The following NFAT5 variants were observed in gnomAD, a reference collection of about 807,000 sequenced individuals.
NFAT5 encodes nuclear factor of activated T cells 5.
Under a neutral mutation model 166.5 loss-of-function variants are expected in NFAT5, and 31 were observed. That is an observed-to-expected ratio of 0.19 (90% CI 0.14 to 0.25). NFAT5 has a LOEUF of 0.25. Among genes scored for constraint, NFAT5 ranks in the 10% least tolerant of loss-of-function variants. The pLI is 1.00. For synonymous variants in NFAT5, 612 were observed against 639.7 expected, an observed-to-expected ratio of 0.96 and a Z score of 0.65; for missense variants, 1,449 against 1,821.8, an observed-to-expected ratio of 0.80 and a Z score of 3.72.
At chr16:69,667,742 TTAATG>T (rs61096203) in intron 7 of NFAT5, among the ~76,000 whole-genome samples, 5,655 of 152,240 alleles carry the variant, frequency 0.037, 348 homozygotes, top group African/African-American at 0.13. Flanking sequence ...ATACAATATA[TTAATG>T]TAATTTTAAC....
chr16:69,576,273 CAG>C (rs1398983791), intron 2 of NFAT5, among the ~76,000 whole-genome samples: 6 of 128,550 alleles, frequency 4.7e-5, no homozygotes. Flanking sequence ...GCCTGGGCGA[CAG>C]AGTGAGACTC....
At chr16:69,603,505 C>A (rs2033246910) in intron 2 of NFAT5, among the ~76,000 whole-genome samples, 1 of 152,066 alleles carries the variant, frequency 6.6e-6, no homozygotes, top group African/African-American at 2.4e-5. Flanking sequence ...TGCCTGTAAT[C>A]CCAGCACTTT....
At chr16:69,603,630 T>C (rs2033255593) in intron 2 of NFAT5, among the ~76,000 whole-genome samples, 1 of 152,150 alleles carries the variant, frequency 6.6e-6, no homozygotes. Flanking sequence ...TGTGTACCTA[T>C]GATCCCAGCT....
chr16:69,650,101 G>A (rs2035604036), intron 4 of NFAT5, among the ~76,000 whole-genome samples: 2 of 152,028 alleles, frequency 1.3e-5, no homozygotes, highest in South Asian at 2.1e-4. Context: ...TCATCTGGAT[G>A]TGAAACCTAC....
intron 7 of NFAT5, 97 bp downstream of exon 7, chr16:69,659,996 C>A: frequency 9.2e-7 from 1 of 1,091,506 alleles, no homozygotes; most frequent in Non-Finnish European, 1.3e-6. Context: ...TTCATATGCT[C>A]CGGCTTGTGA....
At position 69,702,403 on chromosome 16, in the gene NFAT5, A is replaced by G. The variant is rs1206630520; in HGVS notation, c.*6052A>G. ...CATTTTAGAAACGTCACATTTTAGA[A>G]ACATTCAGCTTGCTAACCTACATGT... On this transcript the variant is annotated 3_prime_UTR_variant, in exon 15 of 15. Transcript: ENST00000349945. 2 of 152,340 alleles carry G rather than the reference A, an allele frequency of 1.3e-5. No homozygotes were observed. Among genetic ancestry groups the G allele is most frequent in the Non-Finnish European group, 2.9e-5 (2 of 68,042 alleles). 9.4% of individuals were successfully genotyped at this position (152,340 alleles called of 1,614,324 possible). A position where few individuals can be genotyped will look rare whatever the true frequency, so the allele number is the denominator to read the frequency against.
rs997315489 is a variant in NFAT5, at chr16:69,622,719, T to C, written c.128-3684T>C. On this transcript the variant is annotated intron_variant, in intron 2 of 14. Transcript: ENST00000349945. The stretch of plus-strand genomic sequence containing the variant: ...CTGATTAGTAACATGCTATTAGTGA[T>C]TGGGCTATTACTAGGATAAATTTTT... Among the ~76,000 whole-genome samples the C allele has an allele frequency of 3.9e-5, 6 of 152,172 alleles. No individual in the cohort carries two copies. In the South Asian group the frequency reaches 6.2e-4, roughly 16 times the overall value.
In NFAT5 at chr16:69,692,040, A is replaced by C; in HGVS notation, c.2215A>C (p.Ile739Leu). 3 of 1,614,184 alleles carry C rather than the reference A, an allele frequency of 1.9e-6. No homozygotes were observed. Among genetic ancestry groups the C allele is most frequent in the South Asian group, 2.2e-5 (2 of 91,084 alleles). The change falls in exon 13 of 15, where the codon ATA becomes CTA. Residue 739 changes from isoleucine (I) to leucine (L), a missense_variant. Around this residue, in one of 7 missense-constraint regions of NFAT5, gnomAD observed 891 missense variants for 993.0 expected, o/e 0.90. Coordinates refer to ENST00000349945, the MANE Select transcript of NFAT5 (RefSeq NM_138713.4). The stretch of plus-strand genomic sequence containing the variant: ...GACAAGAGAAACTCAGTCTAGAGAG[A>C]TATTACAGTCAGATGGTACAGTGGT... ...FQTRETQSRE[I>L]LQSDGTVVNL... is the part of the protein sequence containing the mutation.
At position 69,692,155 on chromosome 16, in the gene NFAT5, C is replaced by A. The variant is rs1256857158; in HGVS notation, c.2330C>A (p.Ser777Ter). 1 of 1,614,036 alleles carries A rather than the reference C, an allele frequency of 6.2e-7. No homozygotes were observed. Among genetic ancestry groups the A allele is most frequent in the African/African-American group, 1.3e-5 (1 of 74,920 alleles). The change falls in exon 13 of 15, where the codon TCA becomes TAA. Residue 777 changes from serine to a stop codon, truncating the protein, a stop_gained. Coordinates refer to ENST00000349945, the MANE Select transcript of NFAT5 (RefSeq NM_138713.4). LOFTEE classifies it high-confidence loss of function. ...QAQTLQQQIS[S>*]NIFPSPNSVS... The stretch of plus-strand genomic sequence containing the variant: ...CAGACTTTACAGCAGCAGATTTCAT[C>A]AAATATTTTTCCATCACCAAATAGT...
Position 69,630,212 on chromosome 16 carries a change from A to G in NFAT5, c.253+3684A>G, listed in dbSNP as rs1363814620. Among the ~76,000 whole-genome samples, 11 of 152,064 alleles carry G rather than the reference A, an allele frequency of 7.2e-5. No homozygotes were observed. The South Asian group carries it at 2.3e-3, about 32-fold the overall frequency. On this transcript the variant is annotated intron_variant, in intron 3 of 14. Transcript: ENST00000349945. ...TGATTTTTGTGTTTTTTGTAGAGAC[A>G]GGGTCTTACTATGCTGCTTCTCCAG...
intron 2 of NFAT5, among the ~76,000 whole-genome samples, chr16:69,573,903 C>T (rs1306027443): frequency 3.1e-5 from 4 of 127,032 alleles, no homozygotes; most frequent in South Asian, 2.4e-4. Context: ...GATAGAGTTT[C>T]GCTCTTGTTG....
chr16:69,614,178 C>T (rs2033831251), intron 2 of NFAT5, among the ~76,000 whole-genome samples: 2 of 149,630 alleles, frequency 1.3e-5, no homozygotes, highest in Admixed American at 1.3e-4. Context: ...TCTTTTGAGA[C>T]AAGGTCTTGC....
chr16:69,590,708 A>G (rs1480975410), intron 2 of NFAT5, among the ~76,000 whole-genome samples: 1 of 152,154 alleles, frequency 6.6e-6, no homozygotes, highest in Non-Finnish European at 1.5e-5. Context: ...GATTTGTCCC[A>G]TGTAATTATT....
chr16:69,588,551 C>T (rs1233127748), intron 2 of NFAT5, among the ~76,000 whole-genome samples: 1 of 152,146 alleles, frequency 6.6e-6, no homozygotes, highest in East Asian at 1.9e-4. Flanking sequence ...CATTTCCTCT[C>T]AAATTTAGAT....
At chr16:69,599,445 C>T (rs1176888364) in intron 2 of NFAT5, among the ~76,000 whole-genome samples, 2 of 151,948 alleles carry the variant, frequency 1.3e-5, no homozygotes, top group Admixed American at 6.6e-5. Context: ...GGCATGGTGG[C>T]GCGTGCCTGT....
chr16:69,596,388 A>G (rs569903286), intron 2 of NFAT5, among the ~76,000 whole-genome samples: 3 of 152,318 alleles, frequency 2.0e-5, no homozygotes, highest in African/African-American at 7.2e-5. Context: ...GACTTGCTCA[A>G]TTTGACACTG....
rs767095726 is a variant in NFAT5, at chr16:69,659,933, G to A, written c.1369+34G>A. ...GAAGATACGGAGATACTAAACATAT[G>A]GAGTTTCTTTCATTTTCTGTTAATC... On this transcript the variant is annotated intron_variant, in intron 7 of 14. Coordinates refer to ENST00000349945, the MANE Select transcript of NFAT5 (RefSeq NM_138713.4). 39 of 1,485,930 alleles carry A rather than the reference G, an allele frequency of 2.6e-5. No individual in the cohort carries two copies. The South Asian group carries it at 4.4e-4, about 17-fold the overall frequency. 92.0% of individuals were successfully genotyped at this position (1,485,930 alleles called of 1,614,324 possible). A position where few individuals can be genotyped will look rare whatever the true frequency, so the allele number is the denominator to read the frequency against.
chr16:69,692,937 C>T lies in NFAT5; in HGVS notation c.3112C>T (p.Gln1038Ter). The T allele has an allele frequency of 6.2e-7, 1 of 1,614,188 alleles. No homozygotes were observed. The highest frequency in any genetic ancestry group is 8.5e-7 in the Non-Finnish European group (1 of 1,180,032). The change falls in exon 13 of 15, where the codon CAA becomes TAA. Residue 1038 changes from glutamine to a stop codon, truncating the protein, a stop_gained. Coordinates refer to ENST00000349945, the MANE Select transcript of NFAT5 (RefSeq NM_138713.4). LOFTEE classifies it high-confidence loss of function. ...GCAACATAGTGGGGACAATCAACCT[C>T]AAGTTAACCTTTTTTCATCCACAAA... is the stretch of plus-strand genomic sequence containing the variant. ...QMQHSGDNQP[Q>*]VNLFSSTKSM... is the part of the protein sequence containing the mutation.
intron 5 of NFAT5, among the ~76,000 whole-genome samples, chr16:69,654,756 T>C (rs1445343127): frequency 5.9e-5 from 9 of 152,216 alleles, no homozygotes; most frequent in Non-Finnish European, 2.9e-5. Context: ...TTTGACTAGT[T>C]TGCTTATTTT....
Sources: allele counts gnomAD v4.1 joint callset (sites outside exome capture counted in the v4.1 genomes callset), GRCh38; gene constraint gnomAD v4.1.1; regional missense constraint gnomAD v4.1.1; transcripts MANE v1.5; gene names NCBI Gene and HGNC (gene_info 2026-07-23, HGNC 2026-07-21).